Variants in IPPK observed in about 807,000 individuals in gnomAD.
The protein encoded by IPPK is IPK1 homolog.
Under a neutral mutation model 64.6 loss-of-function variants are expected in IPPK, and 22 were observed. The ratio of observed to expected loss-of-function variants is 0.34; its 90% confidence interval spans 0.24 to 0.49. The LOEUF (loss-of-function observed/expected upper bound fraction) is 0.49. Among genes scored for constraint, IPPK ranks in the 20% least tolerant of loss-of-function variants. IPPK has a pLI of 0.99. For missense variants in IPPK, 532 were observed against 630.7 expected, an observed-to-expected ratio of 0.84 and a Z score of 1.68; for synonymous variants, 262 against 247.2, an observed-to-expected ratio of 1.06 and a Z score of -0.56.
intron 3 of IPPK, among the ~76,000 whole-genome samples, chr9:92,654,748 C>T (rs1424839784): frequency 6.6e-6 from 1 of 152,204 alleles, no homozygotes; most frequent in Non-Finnish European, 1.5e-5. Flanking sequence ...GGAGGACCTC[C>T]AGGCATCACC....
intron 8 of IPPK, 143 bp from the exon 9 acceptor site, chr9:92,638,423 C>T: frequency 1.2e-6 from 1 of 841,534 alleles, no homozygotes; most frequent in Non-Finnish European, 1.8e-6. Flanking sequence ...CCGCTGCATA[C>T]TCCGGCTCCT....
chr9:92,623,881 A>G (rs1260916490), intron 11 of IPPK, among the ~76,000 whole-genome samples: 1 of 152,262 alleles, frequency 6.6e-6, no homozygotes, highest in Non-Finnish European at 1.5e-5. Flanking sequence ...AAATGTGTGC[A>G]CATGTACACA....
chr9:92,642,634 G>T, intron 7 of IPPK, 118 bp downstream of exon 7: 1 of 835,360 alleles, frequency 1.2e-6, no homozygotes, highest in Non-Finnish European at 2.0e-6. Context: ...CCTGAAGACA[G>T]AACAGGGCCT....
chr9:92,668,996 T>G (rs994257316), intron 1 of IPPK, among the ~76,000 whole-genome samples: 2 of 152,240 alleles, frequency 1.3e-5, no homozygotes, highest in Non-Finnish European at 2.9e-5. Context: ...GGGATGACAA[T>G]TATCACTTGC....
intron 3 of IPPK, 69 bp from the exon 4 acceptor site, chr9:92,652,708 CA>C: frequency 2.6e-6 from 2 of 757,046 alleles, no homozygotes; most frequent in Non-Finnish European, 4.4e-6. Flanking sequence ...CACAGAACTG[CA>C]TGCCTAAAAA....
At chr9:92,643,111 T>G (rs182312420) in intron 6 of IPPK, among the ~76,000 whole-genome samples, 65 of 152,352 alleles carry the variant, frequency 4.3e-4, no homozygotes, top group African/African-American at 1.5e-3. Context: ...TGGCTAAATT[T>G]TGGTAATGAG....
intron 1 of IPPK, among the ~76,000 whole-genome samples, chr9:92,666,874 C>T (rs1333795465): frequency 1.3e-5 from 2 of 152,204 alleles, no homozygotes; most frequent in Non-Finnish European, 2.9e-5. Flanking sequence ...CTAGTTCCTC[C>T]ATCCCCAGGC....
At chr9:92,641,282 G>T (rs1462786624) in intron 7 of IPPK, among the ~76,000 whole-genome samples, 1 of 152,150 alleles carries the variant, frequency 6.6e-6, no homozygotes, top group Non-Finnish European at 1.5e-5. Flanking sequence ...TGCAAGGATG[G>T]CCTCCTCCCC....
At chr9:92,630,321 T>C (rs1336209607) in intron 11 of IPPK, among the ~76,000 whole-genome samples, 2 of 152,210 alleles carry the variant, frequency 1.3e-5, no homozygotes, top group East Asian at 3.8e-4. Flanking sequence ...ATGCAATATT[T>C]GGAAGAGACA....
intron 6 of IPPK, among the ~76,000 whole-genome samples, chr9:92,644,370 A>T (rs1852108073): frequency 6.6e-6 from 1 of 152,206 alleles, no homozygotes; most frequent in Non-Finnish European, 1.5e-5. Flanking sequence ...GAAAATGAAC[A>T]GCCGCAATCA....
chr9:92,654,477 C>T (rs1324812760), intron 3 of IPPK, among the ~76,000 whole-genome samples: 1 of 152,060 alleles, frequency 6.6e-6, no homozygotes, highest in Non-Finnish European at 1.5e-5. Flanking sequence ...GCCATGATCG[C>T]ACCACTGCAC....
intron 6 of IPPK, among the ~76,000 whole-genome samples, chr9:92,644,342 T>C (rs796777974): frequency 3.3e-5 from 5 of 152,164 alleles, no homozygotes; most frequent in African/African-American, 1.2e-4. Context: ...TATCTCTAGC[T>C]CCAAGGTTCA....
In IPPK at chr9:92,638,224, G is replaced by A. The variant is rs1321969449; in HGVS notation, c.693C>T (p.Ser231=). 4.3e-6 allele frequency: 7 copies of A among 1,614,086 alleles called. No individual in the cohort carries two copies. Among genetic ancestry groups the A allele is most frequent in the South Asian group, 2.2e-5 (2 of 91,088 alleles). Residue 231 remains serine, a synonymous_variant, in exon 9 of 13, where the codon AGC becomes AGT. Coordinates refer to ENST00000287996, the MANE Select transcript of IPPK (RefSeq NM_022755.6). The stretch of plus-strand genomic sequence containing the variant: ...ACGGCTTCAGGTGGTGTGCAAGCTC[G>A]CTCCAGTCAGCCACGGGGCTCCGGG... The part of the protein sequence containing the change: ...KDARSPVADW[S]ELAHHLKPFF...
intron 11 of IPPK, among the ~76,000 whole-genome samples, chr9:92,624,183 A>G (rs1308418865): frequency 6.6e-6 from 1 of 152,184 alleles, no homozygotes; most frequent in Non-Finnish European, 1.5e-5. Flanking sequence ...AAAACATTTA[A>G]GAAATTAGCC....
At chr9:92,655,375 AAGCT>A (rs1261856134) in intron 3 of IPPK, among the ~76,000 whole-genome samples, 1 of 152,144 alleles carries the variant, frequency 6.6e-6, no homozygotes, top group Non-Finnish European at 1.5e-5. Flanking sequence ...CAGGGCAAGC[AAGCT>A]CTGCTTCACT....
At chr9:92,669,858 C>A (rs1293764488) in intron 1 of IPPK, 50 bp downstream of exon 1, 2 of 1,385,080 alleles carry the variant, frequency 1.4e-6, no homozygotes, top group Non-Finnish European at 2.0e-6. Flanking sequence ...CGGGGTGATA[C>A]CGGCCGTCGG....
At chr9:92,619,005 G>C (rs956678665) in intron 12 of IPPK, 2 of 244,330 alleles carry the variant, frequency 8.2e-6, no homozygotes, top group Non-Finnish European at 8.1e-6. Context: ...TAGGGAGAGG[G>C]GCGGCACATA....
intron 1 of IPPK, among the ~76,000 whole-genome samples, chr9:92,668,114 A>G (rs1165252857): frequency 6.6e-6 from 1 of 151,854 alleles, no homozygotes; most frequent in East Asian, 1.9e-4. Context: ...CTAAAAATAC[A>G]AAAATTAGCT....
chr9:92,623,818 G>A (rs930127240), intron 11 of IPPK, among the ~76,000 whole-genome samples: 6 of 152,170 alleles, frequency 3.9e-5, no homozygotes, highest in Non-Finnish European at 8.8e-5. Flanking sequence ...CTGAAACTAA[G>A]TATACTCATC....
Sources: allele counts gnomAD v4.1 joint callset (sites outside exome capture counted in the v4.1 genomes callset), GRCh38; gene constraint gnomAD v4.1.1; transcripts MANE v1.5; gene names NCBI Gene and HGNC (gene_info 2026-07-23, HGNC 2026-07-21).